TOX2: variants seen among roughly 807,000 people sequenced by gnomAD.
The protein encoded by TOX2 is granulosa cell HMG box 1.
A neutral mutation model predicts 47.4 loss-of-function variants in TOX2; 15 were observed. That is an observed-to-expected ratio of 0.32 (90% CI 0.21 to 0.49). TOX2 has a LOEUF of 0.49. Ranked by LOEUF, TOX2 falls within the 20% of genes least tolerant of loss-of-function variation. The probability of loss-of-function intolerance (pLI) is 0.99; values close to 1 mark genes in which losing one functional copy is unlikely to be tolerated. For synonymous variants in TOX2, 290 were observed against 296.6 expected (o/e 0.98, Z 0.23); for missense variants, 622 against 673.1 (o/e 0.92, Z 0.84).
chr20:44,038,165 G>A (rs2071269805), intron 3 of TOX2, among the ~76,000 whole-genome samples: 1 of 152,184 alleles, frequency 6.6e-6, no homozygotes, highest in South Asian at 2.1e-4. Context: ...GGGAGCTGAG[G>A]AGGGTGGATC....
At chr20:43,998,737 A>G (rs776015331) in intron 2 of TOX2, among the ~76,000 whole-genome samples, 2,103 of 147,592 alleles carry the variant, frequency 0.014, 34 homozygotes, top group African/African-American at 0.034. Flanking sequence ...CTATCTATCT[A>G]TCTATCTATC....
At chr20:43,964,618 A>G (rs941602364) in intron 1 of TOX2, among the ~76,000 whole-genome samples, 4 of 152,204 alleles carry the variant, frequency 2.6e-5, no homozygotes, top group African/African-American at 9.7e-5. Context: ...GAGGAGCAAC[A>G]GCTTCTACAG....
intron 4 of TOX2, among the ~76,000 whole-genome samples, chr20:44,053,021 G>T (rs775663091): frequency 6.6e-6 from 1 of 152,186 alleles, no homozygotes; most frequent in Non-Finnish European, 1.5e-5. Flanking sequence ...ATGCCTACTG[G>T]CCCATGGCTT....
chr20:43,989,755 G>A lies in TOX2; in HGVS notation c.165+16323G>A, dbSNP rs796160204. 3.3e-5 allele frequency among the ~76,000 whole-genome samples: 5 copies of A among 151,310 alleles called. No individual in the cohort carries two copies. The South Asian group carries it at 1.0e-3, about 32-fold the overall frequency. On this transcript the variant is annotated intron_variant, in intron 2 of 8. Coordinates refer to ENST00000341197, the MANE Select transcript of TOX2 (RefSeq NM_001098797.2). ...AGATCACGCCACTGAACTCCAGCCT[G>A]GGCAACAGAGCAAGACTCTGTCTCA...
At chr20:43,918,395 T>C (rs2145826675) in intron 1 of TOX2, among the ~76,000 whole-genome samples, 1 of 152,364 alleles carries the variant, frequency 6.6e-6, no homozygotes, top group East Asian at 1.9e-4. Flanking sequence ...TTAACACTCA[T>C]GTAACCAGCA....
chr20:43,990,732 A>G (rs945742645), intron 2 of TOX2, among the ~76,000 whole-genome samples: 2 of 152,094 alleles, frequency 1.3e-5, no homozygotes, highest in Admixed American at 6.5e-5. Flanking sequence ...GGCAGTGTCC[A>G]TGGAGCAGTG....
intron 2 of TOX2, among the ~76,000 whole-genome samples, chr20:43,987,959 C>T (rs1474929630): frequency 1.7e-5 from 2 of 121,058 alleles, no homozygotes; most frequent in African/African-American, 3.2e-5. Context: ...CTCACTCTGT[C>T]GCCAGGCTGG....
intron 1 of TOX2, among the ~76,000 whole-genome samples, chr20:43,958,136 G>A (rs13042774): frequency 0.15 from 22,223 of 151,984 alleles, 2,016 homozygotes; most frequent in Admixed American, 0.29. Flanking sequence ...ATCTTGATAC[G>A]TTTCCATACC....
At chr20:44,019,214 T>G (rs2070940523) in intron 3 of TOX2, among the ~76,000 whole-genome samples, 1 of 152,254 alleles carries the variant, frequency 6.6e-6, no homozygotes, top group South Asian at 2.1e-4. Flanking sequence ...TAGCATCTTC[T>G]GTCTTACACA....
At chr20:43,924,601 T>C (rs11086906) in intron 1 of TOX2, among the ~76,000 whole-genome samples, 28,343 of 152,120 alleles carry the variant, frequency 0.19, 3,639 homozygotes, top group African/African-American at 0.35. Flanking sequence ...TCAGTGTTTC[T>C]GGCTTTGCCT....
intron 2 of TOX2, among the ~76,000 whole-genome samples, chr20:43,987,912 CTT>C (rs762084312): frequency 2.9e-5 from 2 of 70,022 alleles, no homozygotes; most frequent in Non-Finnish European, 2.5e-5. Flanking sequence ...ATATCAACAT[CTT>C]TTTTTTTTTT....
chr20:44,047,147 T>C (rs113701233), intron 3 of TOX2, among the ~76,000 whole-genome samples: 2 of 152,190 alleles, frequency 1.3e-5, no homozygotes, highest in African/African-American at 2.4e-5. Flanking sequence ...AGAAAAATCA[T>C]AGTTACAGTG....
At chr20:43,975,893 G>A (rs563788792) in intron 2 of TOX2, among the ~76,000 whole-genome samples, 1 of 152,034 alleles carries the variant, frequency 6.6e-6, no homozygotes, top group Non-Finnish European at 1.5e-5. Flanking sequence ...TTTGTGTAAT[G>A]AGTGATGGTA....
intron 2 of TOX2, among the ~76,000 whole-genome samples, chr20:43,980,777 C>T (rs2070156557): frequency 6.6e-6 from 1 of 152,142 alleles, no homozygotes. Flanking sequence ...GGCATTTCTA[C>T]TATTTAAAGC....
intron 2 of TOX2, among the ~76,000 whole-genome samples, chr20:43,991,614 C>CATTATT (rs143981680): frequency 0.016 from 2,307 of 141,636 alleles, 56 homozygotes; most frequent in African/African-American, 0.051. Flanking sequence ...AGGCAATAAT[C>CATTATT]ATTATTATTA....
At chr20:44,043,280 C>T (rs889615647) in intron 3 of TOX2, among the ~76,000 whole-genome samples, 2 of 152,190 alleles carry the variant, frequency 1.3e-5, no homozygotes, top group African/African-American at 4.8e-5. Context: ...AAGTTTAACA[C>T]TCTGCTTGGA....
intron 3 of TOX2, among the ~76,000 whole-genome samples, chr20:44,034,245 T>G (rs2071203613): frequency 6.6e-6 from 1 of 152,088 alleles, no homozygotes; most frequent in Non-Finnish European, 1.5e-5. Flanking sequence ...TTCAGTTTTT[T>G]TTTTTCCTGT....
rs114252288 is a variant in TOX2 at position 44,034,957 on chromosome 20, T to C, written c.412-16349T>C. ...CCTTCTATGTCTCCACCTCAGAGAATTGCAATAGCCACCCCTTATCACCAT... is the reference window on the plus strand; with the variant it reads ...CCTTCTATGTCTCCACCTCAGAGAACTGCAATAGCCACCCCTTATCACCAT... On this transcript the variant is annotated intron_variant, in intron 3 of 8. Coordinates refer to ENST00000341197, the MANE Select transcript of TOX2 (RefSeq NM_001098797.2). 8.7e-3 allele frequency among the ~76,000 whole-genome samples: 1,328 copies of C among 152,320 alleles called. 18 individuals are homozygous for C. The highest frequency in any genetic ancestry group is 0.031 in the African/African-American group (1,277 of 41,562).
intron 2 of TOX2, among the ~76,000 whole-genome samples, chr20:44,002,201 C>A (rs553410462): frequency 6.6e-6 from 1 of 152,348 alleles, no homozygotes; most frequent in African/African-American, 2.4e-5. Flanking sequence ...AGGCAAGACT[C>A]TACTCCTTTG....
Sources: allele counts gnomAD v4.1 joint callset (sites outside exome capture counted in the v4.1 genomes callset), GRCh38; gene constraint gnomAD v4.1.1; transcripts MANE v1.5; gene names NCBI Gene and HGNC (gene_info 2026-07-23, HGNC 2026-07-21).